The following SPMIP2 variants were observed in gnomAD, a reference collection of about 807,000 sequenced individuals.
The protein encoded by SPMIP2 is protein SPMIP2.
the SPMIP2 span, among the ~76,000 whole-genome samples, chr4:159,024,930 A>G: frequency 6.6e-6 from 1 of 152,178 alleles, no homozygotes; most frequent in Non-Finnish European, 1.5e-5. Context: ...ACACATGTGA[A>G]GCCTACCACA....
At chr4:158,987,560 A>G in the SPMIP2 span, among the ~76,000 whole-genome samples, 1 of 152,100 alleles carries the variant, frequency 6.6e-6, no homozygotes, top group Non-Finnish European at 1.5e-5. Flanking sequence ...GTTCTCACTC[A>G]TAGGTGGGAA....
At chr4:158,929,342 G>T in the SPMIP2 span, among the ~76,000 whole-genome samples, 1 of 152,340 alleles carries the variant, frequency 6.6e-6, no homozygotes, top group East Asian at 1.9e-4. Flanking sequence ...TGATTGGATT[G>T]TTTAGTCCAT....
chr4:159,064,847 A>C, the SPMIP2 span, among the ~76,000 whole-genome samples: 1 of 152,198 alleles, frequency 6.6e-6, no homozygotes, highest in African/African-American at 2.4e-5. Context: ...AGATTTTTTA[A>C]ATCAATTTCC....
the SPMIP2 span, among the ~76,000 whole-genome samples, chr4:159,080,112 T>A: frequency 6.6e-6 from 1 of 152,228 alleles, no homozygotes; most frequent in Non-Finnish European, 1.5e-5. Flanking sequence ...CATGTCTTGA[T>A]GTACAAAGTG....
At chr4:158,973,745 T>C in the SPMIP2 span, among the ~76,000 whole-genome samples, 386 of 152,202 alleles carry the variant, frequency 2.5e-3, 2 homozygotes, top group African/African-American at 8.8e-3. Context: ...TCCCAGCACT[T>C]TGGGAGGCCA....
the SPMIP2 span, among the ~76,000 whole-genome samples, chr4:158,992,195 AGT>A: frequency 2.0e-5 from 3 of 152,230 alleles, no homozygotes; most frequent in African/African-American, 7.2e-5. Context: ...GACTCAGACC[AGT>A]GTTTTCCCAA....
the SPMIP2 span, among the ~76,000 whole-genome samples, chr4:159,031,288 A>G: frequency 4.6e-5 from 7 of 152,300 alleles, no homozygotes. Context: ...AAGCATCCCT[A>G]AAGAGTTGAA....
the SPMIP2 span, among the ~76,000 whole-genome samples, chr4:158,916,730 A>G: frequency 6.6e-6 from 1 of 151,882 alleles, no homozygotes; most frequent in African/African-American, 2.4e-5. Context: ...TGCAACCACC[A>G]CCTCCCAGGT....
the SPMIP2 span, chr4:158,893,635 A>AT: frequency 4.8e-5 from 67 of 1,392,092 alleles, no homozygotes; most frequent in Middle Eastern, 7.1e-4. Flanking sequence ...TTATGATCTT[A>AT]TTTTTTGTTA....
the SPMIP2 span, among the ~76,000 whole-genome samples, chr4:158,959,515 T>C: frequency 6.6e-6 from 1 of 152,202 alleles, no homozygotes; most frequent in Non-Finnish European, 1.5e-5. Context: ...GCAGTTTATG[T>C]TGGTATAGTA....
the SPMIP2 span, among the ~76,000 whole-genome samples, chr4:159,077,376 A>G: frequency 2.0e-5 from 3 of 151,492 alleles, no homozygotes; most frequent in South Asian, 6.3e-4. Flanking sequence ...CAAACTCCTG[A>G]CCTCAGGTGA....
chr4:158,938,296 ATT>A, the SPMIP2 span, among the ~76,000 whole-genome samples: 1 of 152,154 alleles, frequency 6.6e-6, no homozygotes, highest in Admixed American at 6.5e-5. Flanking sequence ...AAACATATTT[ATT>A]TTTCCTTTAA....
chr4:159,046,399 AG>A, the SPMIP2 span, among the ~76,000 whole-genome samples: 1 of 152,158 alleles, frequency 6.6e-6, no homozygotes, highest in Non-Finnish European at 1.5e-5. Context: ...CTCACATTGA[AG>A]GGGAGGGCAT....
the SPMIP2 span, among the ~76,000 whole-genome samples, chr4:158,994,601 A>G: frequency 0.66 from 100,807 of 151,998 alleles, 33,549 homozygotes; most frequent in Middle Eastern, 0.73. Context: ...GGAATCAAGT[A>G]GACCTTGGAA....
At chr4:159,082,435 A>T in the SPMIP2 span, among the ~76,000 whole-genome samples, 1 of 139,130 alleles carries the variant, frequency 7.2e-6, no homozygotes. Flanking sequence ...TAAATCTAAC[A>T]ATTCCACTTT....
the SPMIP2 span, among the ~76,000 whole-genome samples, chr4:159,053,161 T>A: frequency 3.3e-5 from 5 of 150,558 alleles, no homozygotes; most frequent in African/African-American, 9.8e-5. Context: ...TTTCACCGTT[T>A]TAGCCGGGAT....
the SPMIP2 span, among the ~76,000 whole-genome samples, chr4:159,042,064 T>C: frequency 1.3e-5 from 2 of 152,240 alleles, no homozygotes; most frequent in African/African-American, 4.8e-5. Flanking sequence ...TTCTCCCATA[T>C]GAAAAACTGA....
At chr4:159,070,357 C>T in the SPMIP2 span, among the ~76,000 whole-genome samples, 3 of 152,264 alleles carry the variant, frequency 2.0e-5, no homozygotes, top group African/African-American at 7.2e-5. Flanking sequence ...TATACACTGG[C>T]AAGTGATTGA....
chr4:159,046,624 G>A, the SPMIP2 span, among the ~76,000 whole-genome samples: 1 of 152,322 alleles, frequency 6.6e-6, no homozygotes, highest in South Asian at 2.1e-4. Flanking sequence ...CCAAGCTGGA[G>A]TGCAGTGGCA....
Sources: gnomAD v4.1 joint callset for allele counts (sites outside exome capture counted in the v4.1 genomes callset) on GRCh38, gnomAD v4.1.1 for gene constraint, MANE v1.5 for transcripts, NCBI Gene and HGNC (gene_info 2026-07-23, HGNC 2026-07-21) for gene names.